ERN1: variants seen among roughly 807,000 people sequenced by gnomAD.
ERN1 encodes endoplasmic reticulum to nucleus signaling 1.
In ERN1, 39 loss-of-function variants were observed where a neutral mutation model predicts 113.1. The ratio of observed to expected loss-of-function variants is 0.34; its 90% CI spans 0.27 to 0.45. ERN1 has a LOEUF of 0.45. Ranked by LOEUF, ERN1 falls within the 20% of genes least tolerant of loss-of-function variation. The pLI is 1.00. For synonymous variants in ERN1, 507 were observed against 515.9 expected (o/e 0.98, Z 0.23); for missense variants, 976 against 1,274.8 (o/e 0.77, Z 3.57).
At chr17:64,097,834 G>C (rs1191706128) in intron 2 of ERN1, 1 of 329,144 alleles carries the variant, frequency 3.0e-6, no homozygotes, top group East Asian at 6.1e-5. Context: ...AGACCAACTA[G>C]CTAGAGCTAT....
At chr17:64,066,370 T>C (rs1346402667) in intron 8 of ERN1, among the ~76,000 whole-genome samples, 4 of 152,098 alleles carry the variant, frequency 2.6e-5, no homozygotes, top group African/African-American at 9.7e-5. Flanking sequence ...CAAACTCCTG[T>C]GCTCAAACAA....
intron 11 of ERN1, among the ~76,000 whole-genome samples, chr17:64,058,894 G>A (rs1258505783): frequency 6.6e-6 from 1 of 152,062 alleles, no homozygotes; most frequent in Non-Finnish European, 1.5e-5. Flanking sequence ...CACATTTTTG[G>A]GGGTTTGTAG....
At chr17:64,087,888 C>A (rs1913980248) in intron 2 of ERN1, among the ~76,000 whole-genome samples, 1 of 151,408 alleles carries the variant, frequency 6.6e-6, no homozygotes, top group East Asian at 1.9e-4. Context: ...TCAGGACCAT[C>A]CCAGGCTTCC....
Position 64,064,068 on chromosome 17 carries a change from C to G in ERN1, c.1005G>C (p.Thr335=). The G allele has an allele frequency of 1.2e-6, 2 of 1,613,652 alleles. No individual in the cohort carries two copies. Among genetic ancestry groups the G allele is most frequent in the Non-Finnish European group, 1.7e-6 (2 of 1,179,710 alleles). Residue 335 remains threonine (T), a synonymous_variant, in exon 10 of 22, where the codon ACG becomes ACC. Transcript: ENST00000433197. ...GATCAAACTTGACGTCCGTGCTGGGCGTGATCACACACTCCCCCTTGTCCC... is the reference window on the plus strand; with the variant it reads ...GATCAAACTTGACGTCCGTGCTGGGGGTGATCACACACTCCCCCTTGTCCC... ...TIGDKGECVI[T]PSTDVKFDPG... is the part of the protein sequence containing the mutation.
intron 2 of ERN1, among the ~76,000 whole-genome samples, chr17:64,088,354 C>T (rs1913992456): frequency 6.6e-6 from 1 of 152,188 alleles, no homozygotes; most frequent in Admixed American, 6.5e-5. Context: ...TAAGATATTA[C>T]CACACAGTTA....
At chr17:64,112,469 T>C (rs1277422443) in intron 1 of ERN1, among the ~76,000 whole-genome samples, 1 of 152,110 alleles carries the variant, frequency 6.6e-6, no homozygotes, top group Non-Finnish European at 1.5e-5. Context: ...TGTATTTCCA[T>C]CATTTGGAAA....
chr17:64,070,109 A>C (rs1324068870), intron 6 of ERN1, among the ~76,000 whole-genome samples: 3 of 152,168 alleles, frequency 2.0e-5, no homozygotes, highest in African/African-American at 7.2e-5. Flanking sequence ...AGACCTTAGG[A>C]GGCACTGTAA....
rs752061094 is a variant in ERN1 at position 64,052,941 on chromosome 17, T to C, written c.2092A>G (p.Met698Val). 3.7e-6 allele frequency: 6 copies of C among 1,613,614 alleles called. No homozygotes were observed. The highest frequency in any genetic ancestry group is 5.1e-6 in the Non-Finnish European group (6 of 1,179,728). Residue 698 changes from methionine to valine, a missense_variant, in exon 17 of 22, where the codon ATG (methionine) becomes GTG (valine). Transcript: ENST00000433197. ...TTGATCTTGCCGTGTGCATTGGGCATGGATATGAGGATGTTGTGTGGCTTT... is the reference window on the plus strand; with the variant it reads ...TTGATCTTGCCGTGTGCATTGGGCACGGATATGAGGATGTTGTGTGGCTTT... ...DLKPHNILIS[M>V]PNAHGKIKAM...
chr17:64,101,882 A>G (rs2143461353), intron 1 of ERN1, among the ~76,000 whole-genome samples: 1 of 152,346 alleles, frequency 6.6e-6, no homozygotes, highest in South Asian at 2.1e-4. Flanking sequence ...CTCCTTTGCT[A>G]CTAGTGGAAG....
At chr17:64,094,485 C>T (rs2143445707) in intron 2 of ERN1, among the ~76,000 whole-genome samples, 1 of 152,222 alleles carries the variant, frequency 6.6e-6, no homozygotes, top group African/African-American at 2.4e-5. Flanking sequence ...CAGTAAGCAA[C>T]TTTATAGTAC....
rs571516357 is a variant in ERN1, at chr17:64,081,532, C to A, written c.176-724G>T. Reference sequence around the variant, plus strand: ...AATAAAATTTTAAGACATATACAAACCTATGCTATTATGTTCAGGAGAAAA... The same window carrying A: ...AATAAAATTTTAAGACATATACAAAACTATGCTATTATGTTCAGGAGAAAA... On this transcript the variant is annotated intron_variant, in intron 2 of 21. Coordinates refer to ENST00000433197, the MANE Select transcript of ERN1 (RefSeq NM_001433.5). 3.2e-4 allele frequency among the ~76,000 whole-genome samples: 48 copies of A among 152,168 alleles called. No individual in the cohort carries two copies. The South Asian group carries it at 3.5e-3, about 11-fold the overall frequency.
At chr17:64,080,718 T>A (rs1001048755) in intron 3 of ERN1, 57 bp downstream of exon 3, 4 of 1,538,766 alleles carry the variant, frequency 2.6e-6, no homozygotes, top group Non-Finnish European at 2.7e-6. Flanking sequence ...TCATAAACAC[T>A]GATTGAATGA....
chr17:64,076,801 C>T (rs1321914276), intron 4 of ERN1, among the ~76,000 whole-genome samples: 2 of 152,088 alleles, frequency 1.3e-5, no homozygotes, highest in African/African-American at 2.4e-5. Context: ...GGGGTTTCAC[C>T]GTGTTAGCCA....
At chr17:64,071,906 G>A (rs4274486) in intron 6 of ERN1, 75 bp downstream of exon 6, 3 of 1,502,046 alleles carry the variant, frequency 2.0e-6, no homozygotes, top group Non-Finnish European at 2.7e-6. Context: ...CCACCTTCTA[G>A]GGAAGGAGGC....
intron 8 of ERN1, among the ~76,000 whole-genome samples, chr17:64,065,744 T>C (rs954703884): frequency 6.6e-6 from 1 of 152,054 alleles, no homozygotes; most frequent in Non-Finnish European, 1.5e-5. Flanking sequence ...ACAGAACTCC[T>C]GAGAAATGGT....
Position 64,050,461 on chromosome 17 carries a change from G to A in ERN1, c.2254-1259C>T, listed in dbSNP as rs76722972. On this transcript the variant is annotated intron_variant, in intron 17 of 21. Coordinates refer to ENST00000433197, the MANE Select transcript of ERN1 (RefSeq NM_001433.5). ...ATAAGCTGTTAAACATGAGTGCCAC[G>A]AAGTCTGAGGTAAGCTGAATCTTTA... 4.5e-3 allele frequency among the ~76,000 whole-genome samples: 681 copies of A among 152,244 alleles called. 2 individuals are homozygous for A. The highest frequency in any genetic ancestry group is 0.016 in the African/African-American group (648 of 41,518).
At chr17:64,065,953 T>G (rs894201099) in intron 8 of ERN1, among the ~76,000 whole-genome samples, 3 of 152,206 alleles carry the variant, frequency 2.0e-5, no homozygotes, top group Admixed American at 6.5e-5. Flanking sequence ...CTACATTATC[T>G]AAACCTCTCT....
chr17:64,106,763 C>CACACACACACA (rs373338585), intron 1 of ERN1, among the ~76,000 whole-genome samples: 33 of 138,546 alleles, frequency 2.4e-4, no homozygotes, highest in African/African-American at 9.5e-4. Context: ...CACACACACA[C>CACACACACACA]AAGCTCGCTG....
chr17:64,081,233 A>G (rs2143413273), intron 2 of ERN1, among the ~76,000 whole-genome samples: 1 of 152,310 alleles, frequency 6.6e-6, no homozygotes, highest in Admixed American at 6.5e-5. Flanking sequence ...ACATATTCCC[A>G]TTAGGAAAAG....
Sources: gnomAD v4.1 joint callset for allele counts (sites outside exome capture counted in the v4.1 genomes callset) on GRCh38, gnomAD v4.1.1 for gene constraint, MANE v1.5 for transcripts, NCBI Gene and HGNC (gene_info 2026-07-23, HGNC 2026-07-21) for gene names.